The following CAMSAP2 variants were observed in gnomAD, a reference collection of about 807,000 sequenced individuals.
CAMSAP2 encodes the protein calmodulin regulated spectrin associated protein family member 2.
Under a neutral mutation model 146.1 loss-of-function variants are expected in CAMSAP2, and 26 were observed. The ratio of observed to expected loss-of-function variants is 0.18; its 90% CI spans 0.13 to 0.25. CAMSAP2 has a LOEUF of 0.25. Among genes scored for constraint, CAMSAP2 ranks in the 10% least tolerant of loss-of-function variants. The probability of loss-of-function intolerance (pLI) is 1.00; values close to 1 mark genes in which losing one functional copy is unlikely to be tolerated. For synonymous variants in CAMSAP2, 499 were observed against 596.6 expected, an observed-to-expected ratio of 0.84 and a Z score of 2.38; for missense variants, 1,381 against 1,759.3, an observed-to-expected ratio of 0.78 and a Z score of 3.85.
intron 2 of CAMSAP2, among the ~76,000 whole-genome samples, chr1:200,770,123 G>A (rs1400880987): frequency 6.6e-6 from 1 of 152,216 alleles, no homozygotes; most frequent in Non-Finnish European, 1.5e-5. Context: ...AAAAAAGTGA[G>A]TGTGGAAACG....
intron 2 of CAMSAP2, among the ~76,000 whole-genome samples, chr1:200,784,357 A>G (rs944189301): frequency 6.6e-6 from 1 of 152,146 alleles, no homozygotes; most frequent in African/African-American, 2.4e-5. Flanking sequence ...TGTTGAATCT[A>G]TAGACCATTT....
intron 2 of CAMSAP2, among the ~76,000 whole-genome samples, chr1:200,763,894 C>T (rs556247855): frequency 2.6e-5 from 4 of 151,860 alleles, no homozygotes; most frequent in African/African-American, 4.8e-5. Flanking sequence ...GCCAACATGG[C>T]GAAACCCCAT....
At chr1:200,826,010 T>C (rs957017832) in intron 4 of CAMSAP2, among the ~76,000 whole-genome samples, 1 of 152,230 alleles carries the variant, frequency 6.6e-6, no homozygotes, top group East Asian at 1.9e-4. Flanking sequence ...GACTGCTAGA[T>C]TGAAGGGTAA....
At chr1:200,856,843 C>T (rs1205121239) in intron 15 of CAMSAP2, among the ~76,000 whole-genome samples, 25 of 152,262 alleles carry the variant, frequency 1.6e-4, no homozygotes, top group Admixed American at 1.4e-3. Flanking sequence ...TACCTCCTAC[C>T]GCCAGTCTGA....
rs2102263975 is a variant in CAMSAP2 at position 200,853,525 on chromosome 1, C to G, written c.3823+30C>G. ...CATAGCTTATTATGAAGAGTCTGTT[C>G]ATAAAAAACACCAGCTTGATTGGTT... On this transcript the variant is annotated intron_variant, in intron 13 of 16. Coordinates refer to ENST00000358823, the MANE Select transcript of CAMSAP2 (RefSeq NM_203459.4). This position sits in a 1 kb window ranked among gnomAD's most constrained non-coding sequence, Gnocchi z 5.1. 1.3e-6 allele frequency: 2 copies of G among 1,497,862 alleles called. No individual in the cohort carries two copies. The highest frequency in any genetic ancestry group is 2.3e-5 in the South Asian group (2 of 86,502). The allele number at this position is 1,497,862 out of a possible 1,614,324, so 92.8% of individuals were successfully genotyped here.
At chr1:200,755,878 A>C (rs879368536) in intron 1 of CAMSAP2, among the ~76,000 whole-genome samples, 6 of 152,150 alleles carry the variant, frequency 3.9e-5, no homozygotes, top group Non-Finnish European at 8.8e-5. Context: ...GGTCAGGGAA[A>C]GTGTGTTTGA....
intron 4 of CAMSAP2, among the ~76,000 whole-genome samples, chr1:200,822,819 G>C (rs1172887372): frequency 6.6e-6 from 1 of 152,210 alleles, no homozygotes; most frequent in Non-Finnish European, 1.5e-5. Context: ...TCCCAGACTG[G>C]ATGGAATAGG....
rs932161305 is a variant in CAMSAP2, at chr1:200,853,207, C to T, written c.3603-68C>T. The T allele has an allele frequency of 7.4e-6, 10 of 1,345,198 alleles. No individual in the cohort carries two copies. In the African/African-American group the frequency reaches 1.2e-4, roughly 16 times the overall value. 83.3% of individuals were successfully genotyped at this position (1,345,198 alleles called of 1,614,324 possible). On this transcript the variant is annotated intron_variant, in intron 12 of 16. Transcript: ENST00000358823. This position sits in a 1 kb window ranked among gnomAD's most constrained non-coding sequence, Gnocchi z 5.1. Reference sequence around the variant, plus strand: ...GAATTCTCCTTTCTCATATCAAATACATAACTCTCTCCTGTATGGTTTGTC... The same window carrying T: ...GAATTCTCCTTTCTCATATCAAATATATAACTCTCTCCTGTATGGTTTGTC...
intron 3 of CAMSAP2, among the ~76,000 whole-genome samples, chr1:200,808,271 A>T (rs550536506): frequency 6.6e-6 from 1 of 152,268 alleles, no homozygotes; most frequent in African/African-American, 2.4e-5. Context: ...GGAAATTTTT[A>T]TGGAGCTGTG....
rs767359815 is a variant in CAMSAP2, at chr1:200,848,136, G to C, written c.1367G>C (p.Gly456Ala). The C allele has an allele frequency of 2.5e-6, 4 of 1,613,024 alleles. No individual in the cohort carries two copies. In the Admixed American group the frequency reaches 5.0e-5, roughly 20 times the overall value. Residue 456 changes from glycine to alanine, a missense_variant, in exon 11 of 17, where the codon GGA becomes GCA. Gly to Ala is a moderately conservative substitution (Grantham distance 60). Coordinates refer to ENST00000358823, the MANE Select transcript of CAMSAP2 (RefSeq NM_203459.4). ...RGITRSISNEGLTLNNSHVSK... is the reference protein window; with the variant it reads ...RGITRSISNEALTLNNSHVSK... The stretch of plus-strand genomic sequence containing the variant: ...ATCACTCGTTCTATTAGTAATGAAG[G>C]ACTTACTCTGAACAACAGTCATGTA...
chr1:200,802,598 C>T (rs1666063282), intron 2 of CAMSAP2, among the ~76,000 whole-genome samples: 1 of 152,142 alleles, frequency 6.6e-6, no homozygotes, highest in Admixed American at 6.6e-5. Flanking sequence ...TTTATTTCCT[C>T]TTAAATACCT....
chr1:200,758,973 C>T (rs79646182), intron 1 of CAMSAP2, among the ~76,000 whole-genome samples: 1 of 152,040 alleles, frequency 6.6e-6, no homozygotes, highest in Admixed American at 6.6e-5. Context: ...TATTAAATAC[C>T]AGATTGTTCC....
Position 200,739,813 on chromosome 1 carries a change from G to A in CAMSAP2, c.-15G>A, listed in dbSNP as rs1332175725. 2.5e-6 allele frequency: 4 copies of A among 1,612,610 alleles called. No homozygotes were observed. Among genetic ancestry groups the A allele is most frequent in the Non-Finnish European group, 3.4e-6 (4 of 1,179,224 alleles). The stretch of plus-strand genomic sequence containing the variant: ...AAGGTTAGGGCCGGGACATCCCGAG[G>A]AGCCGCGGTGAAAGATGGGGGATGC... On this transcript the variant is annotated 5_prime_UTR_variant, in exon 1 of 17. Coordinates refer to ENST00000358823, the MANE Select transcript of CAMSAP2 (RefSeq NM_203459.4). The surrounding 1 kb of genome is among the most constrained non-coding windows in gnomAD (Gnocchi z 4.8).
In CAMSAP2 at chr1:200,853,942, A is replaced by G. The variant is rs1344163229; in HGVS notation, c.3823+447A>G. ...ACTTATAATATCTGGAGTTGAGAGA[A>G]TATATTTTCTTTAAAAGTCAGTATA... On this transcript the variant is annotated intron_variant, in intron 13 of 16. Coordinates refer to ENST00000358823, the MANE Select transcript of CAMSAP2 (RefSeq NM_203459.4). This position sits in a 1 kb window ranked among gnomAD's most constrained non-coding sequence, Gnocchi z 5.1. Among the ~76,000 whole-genome samples, 1 of 152,178 alleles carries G rather than the reference A, an allele frequency of 6.6e-6. No individual in the cohort carries two copies. Among genetic ancestry groups the G allele is most frequent in the African/African-American group, 2.4e-5 (1 of 41,442 alleles).
chr1:200,831,782 T>G (rs1165083906), intron 4 of CAMSAP2, among the ~76,000 whole-genome samples: 3 of 152,140 alleles, frequency 2.0e-5, no homozygotes, highest in African/African-American at 7.2e-5. Context: ...TTTTGATAAC[T>G]CTTTCTGCTT....
rs150405321 is a variant in CAMSAP2 at position 200,842,076 on chromosome 1, G to C, written c.1010G>C (p.Arg337Pro). ...TCTTTTGTACAGCCTCGTGTTGTTCGTCCACAAGGAGGTAATCAATCTTTT... is the reference window on the plus strand; with the variant it reads ...TCTTTTGTACAGCCTCGTGTTGTTCCTCCACAAGGAGGTAATCAATCTTTT... ...KPSFVQPRVV[R>P]PQGAEPVKDM... Residue 337 changes from arginine to proline, a missense_variant, in exon 7 of 17, where the codon CGT (arginine) becomes CCT (proline). Coordinates refer to ENST00000358823, the MANE Select transcript of CAMSAP2 (RefSeq NM_203459.4). The C allele has an allele frequency of 1.2e-6, 2 of 1,612,338 alleles. No homozygotes were observed. Among genetic ancestry groups the C allele is most frequent in the African/African-American group, 2.7e-5 (2 of 74,986 alleles).
At position 200,850,020 on chromosome 1, in the gene CAMSAP2, C is replaced by T; in HGVS notation, c.3251C>T (p.Thr1084Ile). The T allele has an allele frequency of 6.2e-7, 1 of 1,613,724 alleles. No individual in the cohort carries two copies. The highest frequency in any genetic ancestry group is 8.5e-7 in the Non-Finnish European group (1 of 1,179,818). The change falls in exon 11 of 17, where the codon ACA (threonine) becomes ATA (isoleucine). Residue 1084 changes from threonine to isoleucine, a missense_variant. Thr to Ile is a moderately conservative substitution (Grantham distance 89). This residue lies in a region of CAMSAP2 where 560 missense variants were observed against 715.9 expected (regional missense o/e 0.78). Coordinates refer to ENST00000358823, the MANE Select transcript of CAMSAP2 (RefSeq NM_203459.4). ...SLPVTETVCL[T>I]PNEDQLNQPT... The stretch of plus-strand genomic sequence containing the variant: ...CCTGTCACAGAGACTGTATGTCTGA[C>T]ACCAAATGAGGACCAATTGAATCAA...
At chr1:200,842,310 T>G (rs1474288644) in intron 7 of CAMSAP2, among the ~76,000 whole-genome samples, 1 of 152,224 alleles carries the variant, frequency 6.6e-6, no homozygotes, top group Non-Finnish European at 1.5e-5. Context: ...TGTGGAACTT[T>G]TAGCTTTAAC....
Position 200,859,741 on chromosome 1 carries a change from A to C in CAMSAP2, c.*1682A>C, listed in dbSNP as rs1002307826. ...TACATATTGTGTATATAACATATGG[A>C]TATTAAAAATGGGGAATTGCACATT... is the stretch of plus-strand genomic sequence containing the variant. On this transcript the variant is annotated 3_prime_UTR_variant, in exon 17 of 17. Coordinates refer to ENST00000358823, the MANE Select transcript of CAMSAP2 (RefSeq NM_203459.4). 11 of 152,244 alleles carry C rather than the reference A, an allele frequency of 7.2e-5. No homozygotes were observed. Among genetic ancestry groups the C allele is most frequent in the African/African-American group, 2.7e-4 (11 of 41,446 alleles). 9.4% of individuals were successfully genotyped at this position (152,244 alleles called of 1,614,324 possible). A position where few individuals can be genotyped will look rare whatever the true frequency, so the allele number is the denominator to read the frequency against.
Sources: gnomAD v4.1 joint callset for allele counts (sites outside exome capture counted in the v4.1 genomes callset) on GRCh38, gnomAD v4.1.1 for gene constraint, gnomAD v4.1.1 regional missense constraint, Gnocchi (gnomAD v3.1) non-coding constraint, MANE v1.5 for transcripts, NCBI Gene and HGNC (gene_info 2026-07-23, HGNC 2026-07-21) for gene names.